Variants in TMEM62 observed in about 807,000 individuals in gnomAD.
TMEM62 encodes the protein transmembrane protein 62.
Under a neutral mutation model 70.4 loss-of-function variants are expected in TMEM62, and 41 were observed. The observed-to-expected ratio is 0.58, with a 90% CI of 0.45 to 0.76. The LOEUF (loss-of-function observed/expected upper bound fraction) is 0.76. TMEM62 is among the 30% of genes least tolerant of loss of function. The pLI is 0.00. For missense variants in TMEM62, 688 were observed against 788.5 expected (o/e 0.87, Z 1.53); for synonymous variants, 268 against 291.0 (o/e 0.92, Z 0.80).
At chr15:43,138,472 A>C in intron 3 of TMEM62, 102 bp from the exon 4 acceptor site, 1 of 958,388 alleles carries the variant, frequency 1.0e-6, no homozygotes, top group Non-Finnish European at 1.6e-6. Flanking sequence ...GTGTGGAAGA[A>C]TTGTTATAGA....
intron 3 of TMEM62, among the ~76,000 whole-genome samples, chr15:43,136,737 G>A (rs868507112): frequency 4.0e-5 from 6 of 151,802 alleles, no homozygotes; most frequent in African/African-American, 1.2e-4. Flanking sequence ...GATTACAGGC[G>A]TGAGCCACCA....
chr15:43,154,585 T>C, intron 8 of TMEM62, 87 bp from the exon 9 acceptor site: 1 of 1,214,850 alleles, frequency 8.2e-7, no homozygotes, highest in South Asian at 1.6e-5. Flanking sequence ...TATACGTGTA[T>C]ATCTGCAAGT....
chr15:43,168,173 C>CAGAGAG lies in TMEM62; in HGVS notation c.1297-1420_1297-1419insAGAGAG, dbSNP rs1555463238. Among the ~76,000 whole-genome samples, 12 of 62,186 alleles carry CAGAGAG rather than the reference C, an allele frequency of 1.9e-4. 1 individual carries two copies. The highest frequency in any genetic ancestry group is 1.0e-3 in the African/African-American group (12 of 11,700). The allele number at this position is 62,186 out of a possible 152,430, so 40.8% of individuals were successfully genotyped here. A position where few individuals can be genotyped will look rare whatever the true frequency, so the allele number is the denominator to read the frequency against. On this transcript the variant is annotated intron_variant, in intron 10 of 13. Transcript: ENST00000260403. The stretch of plus-strand genomic sequence containing the variant: ...AGGGAGAGGGAGAGGGAGAGGGAGA[C>CAGAGAG]GGAGACGGAGAGGGAGAGGGAGAGG...
At chr15:43,156,676 TTGAA>T (rs2038082950) in intron 9 of TMEM62, among the ~76,000 whole-genome samples, 1 of 152,190 alleles carries the variant, frequency 6.6e-6, no homozygotes, top group Non-Finnish European at 1.5e-5. Context: ...GGCTGCTTAG[TTGAA>T]TCCTTAGTAA....
Position 43,133,992 on chromosome 15 carries a change from CGGGAAG to C in TMEM62, c.180+11_180+16del. The C allele has an allele frequency of 7.0e-7, 1 of 1,437,918 alleles. No individual in the cohort carries two copies. The highest frequency in any genetic ancestry group is 2.8e-5 in the Admixed American group (1 of 35,404). The allele number at this position is 1,437,918 out of a possible 1,614,324, so 89.1% of individuals were successfully genotyped here. Reference sequence around the variant, plus strand: ...CTTCTGGGGCCTGCAGGTGACGCGGCGGGAAGCCGGGCCGGGAGGCAGGTGCAGATC... The same window carrying C: ...CTTCTGGGGCCTGCAGGTGACGCGGCCCGGGCCGGGAGGCAGGTGCAGATC... On this transcript the variant is annotated intron_variant, in intron 1 of 13. Transcript: ENST00000260403.
intron 11 of TMEM62, among the ~76,000 whole-genome samples, chr15:43,173,188 T>C (rs140462929): frequency 3.3e-3 from 503 of 152,286 alleles, no homozygotes; most frequent in African/African-American, 0.012. Flanking sequence ...ATAGTGAGAC[T>C]CCATCTCAAA....
chr15:43,169,820 A>G, intron 11 of TMEM62, 143 bp downstream of exon 11: 2 of 648,722 alleles, frequency 3.1e-6, no homozygotes, highest in Non-Finnish European at 5.2e-6. Context: ...CCTTGAGTAA[A>G]TGGTCCTGAG....
intron 12 of TMEM62, 130 bp downstream of exon 12, chr15:43,178,841 G>A: frequency 1.9e-6 from 1 of 535,488 alleles, no homozygotes; most frequent in Non-Finnish European, 3.2e-6. Flanking sequence ...TCTGGGACAT[G>A]GTTTTGGAAA....
rs1409484689 is a variant in TMEM62, at chr15:43,135,599, A to G, written c.380A>G (p.Lys127Arg). 1.2e-6 allele frequency: 2 copies of G among 1,608,824 alleles called. No homozygotes were observed. The highest frequency in any genetic ancestry group is 1.7e-6 in the Non-Finnish European group (2 of 1,178,938). ...CAAACCTACCAGGGTATTCTGAAGA[A>G]GACAAGAGTCATGGAAAAAACCAAG... ...EWQTYQGILK[K>R]TRVMEKTKWL... The change falls in exon 3 of 14, where the codon AAG (lysine) becomes AGG (arginine). Residue 127 changes from lysine to arginine, a missense_variant. Transcript: ENST00000260403.
At chr15:43,154,146 A>C (rs1470846660) in intron 8 of TMEM62, among the ~76,000 whole-genome samples, 1 of 152,222 alleles carries the variant, frequency 6.6e-6, no homozygotes, top group Non-Finnish European at 1.5e-5. Flanking sequence ...CACTAATGAA[A>C]TGGAACACAC....
rs542970509 is a variant in TMEM62, at chr15:43,180,940, G to A, written c.1487-241G>A. The A allele has an allele frequency of 1.4e-5, 5 of 345,760 alleles. No homozygotes were observed. The South Asian group carries it at 2.4e-4, about 17-fold the overall frequency. The allele number at this position is 345,760 out of a possible 1,614,324, so 21.4% of individuals were successfully genotyped here. A position where few individuals can be genotyped will look rare whatever the true frequency, so the allele number is the denominator to read the frequency against. ...CTTTTTTTGTTTCTAGAATCTATAA[G>A]ACACATATCTGTTCTAGGTATAGTG... On this transcript the variant is annotated intron_variant, in intron 12 of 13. Transcript: ENST00000260403.
intron 7 of TMEM62, among the ~76,000 whole-genome samples, chr15:43,150,543 T>C (rs2037241541): frequency 6.6e-6 from 1 of 152,218 alleles, no homozygotes; most frequent in African/African-American, 2.4e-5. Flanking sequence ...TTAAAAACAG[T>C]ATATTGGAAA....
At chr15:43,178,450 A>C (rs191626586) in intron 11 of TMEM62, among the ~76,000 whole-genome samples, 157 bp from the exon 12 acceptor site, 5 of 152,280 alleles carry the variant, frequency 3.3e-5, no homozygotes, top group African/African-American at 1.2e-4. Flanking sequence ...ATTCCTGCCA[A>C]ATTCTGAATT....
chr15:43,141,207 G>C (rs1596208451), intron 4 of TMEM62, among the ~76,000 whole-genome samples: 1 of 152,302 alleles, frequency 6.6e-6, no homozygotes, highest in South Asian at 2.1e-4. Flanking sequence ...TCTGATTTCT[G>C]GTCTCCATTC....
chr15:43,172,321 A>G (rs1181753631), intron 11 of TMEM62, among the ~76,000 whole-genome samples: 1 of 152,196 alleles, frequency 6.6e-6, no homozygotes, highest in African/African-American at 2.4e-5. Flanking sequence ...TTTTAACTAC[A>G]CATAGATTAC....
At chr15:43,136,069 T>C (rs1180024192) in intron 3 of TMEM62, among the ~76,000 whole-genome samples, 1 of 151,834 alleles carries the variant, frequency 6.6e-6, no homozygotes, top group Middle Eastern at 3.2e-3. Context: ...ATGGAAAAAA[T>C]ATGAGTTTTA....
At chr15:43,146,919 C>T (rs1054652853) in intron 5 of TMEM62, among the ~76,000 whole-genome samples, 1 of 152,174 alleles carries the variant, frequency 6.6e-6, no homozygotes, top group African/African-American at 2.4e-5. Context: ...ACAGGACATA[C>T]AGCTTTGTGT....
chr15:43,135,872 CT>C (rs2035160458), intron 3 of TMEM62: 3 of 401,272 alleles, frequency 7.5e-6, no homozygotes, highest in Non-Finnish European at 1.3e-5. Context: ...ACATATGCTG[CT>C]TCTTTTTTTA....
rs375267188 is a variant in TMEM62, at chr15:43,146,509, C to T, written c.493C>T (p.Arg165Cys). Residue 165 changes from arginine (R) to cysteine (C), a missense_variant, in exon 5 of 14, where the codon CGT becomes TGT. Physicochemically the swap from Arg to Cys is radical, Grantham distance 180 (BLOSUM62 -3). Coordinates refer to ENST00000260403, the MANE Select transcript of TMEM62 (RefSeq NM_024956.4). Reference sequence around the variant, plus strand: ...ATTTTTTAGGAAATATTCTGCTGTACGTAGAGATGGCTCTTTCCATTATGT... The same window carrying T: ...ATTTTTTAGGAAATATTCTGCTGTATGTAGAGATGGCTCTTTCCATTATGT... ...KNYYRKYSAV[R>C]RDGSFHYVHS... 5.0e-6 allele frequency: 8 copies of T among 1,612,692 alleles called. No individual in the cohort carries two copies. Among genetic ancestry groups the T allele is most frequent in the Admixed American group, 1.7e-5 (1 of 59,726 alleles).
Sources: gnomAD v4.1 joint callset for allele counts (sites outside exome capture counted in the v4.1 genomes callset) on GRCh38, gnomAD v4.1.1 for gene constraint, MANE v1.5 for transcripts, NCBI Gene and HGNC (gene_info 2026-07-23, HGNC 2026-07-21) for gene names.